SNX24: variants seen among roughly 807,000 people sequenced by gnomAD.
The protein encoded by SNX24 is sorting nexin 24, also known as sorting nexin-24.
A neutral mutation model predicts 28.7 loss-of-function variants in SNX24; 22 were observed. The observed-to-expected ratio is 0.77, with a 90% CI of 0.55 to 1.10. SNX24 has a LOEUF of 1.10. Ranked by LOEUF, SNX24 falls within the 50% of genes least tolerant of loss-of-function variation. SNX24 has a pLI of 0.00. For synonymous variants in SNX24, 69 were observed against 71.5 expected, an observed-to-expected ratio of 0.96 and a Z score of 0.18; for missense variants, 221 against 201.1, an observed-to-expected ratio of 1.10 and a Z score of -0.60.
intron 1 of SNX24, among the ~76,000 whole-genome samples, chr5:122,932,521 A>G (rs1359510603): frequency 1.3e-5 from 2 of 152,178 alleles, no homozygotes; most frequent in African/African-American, 4.8e-5. Flanking sequence ...TTTATGTGAG[A>G]TATTTGGAAT....
intron 3 of SNX24, among the ~76,000 whole-genome samples, chr5:122,988,174 A>C (rs369526778): frequency 6.6e-6 from 1 of 152,046 alleles, no homozygotes; most frequent in East Asian, 1.9e-4. Context: ...CTGACAAGCT[A>C]TCTAGGTTGT....
At chr5:122,886,052 T>C (rs1352789088) in intron 1 of SNX24, among the ~76,000 whole-genome samples, 1 of 152,154 alleles carries the variant, frequency 6.6e-6, no homozygotes, top group African/African-American at 2.4e-5. Context: ...TGAGGGCCCC[T>C]GTGCTAGAGG....
intron 4 of SNX24, among the ~76,000 whole-genome samples, chr5:123,000,272 A>G (rs1401065508): frequency 6.6e-6 from 1 of 152,276 alleles, no homozygotes; most frequent in East Asian, 1.9e-4. Context: ...GTTACATAGA[A>G]TGATGTTACT....
chr5:122,863,925 A>G (rs917512747), intron 1 of SNX24, among the ~76,000 whole-genome samples: 4 of 151,096 alleles, frequency 2.6e-5, no homozygotes, highest in South Asian at 2.1e-4. Context: ...TTCCCAGCCC[A>G]TGTTGGCTTT....
chr5:122,864,995 G>A (rs1008350813), intron 1 of SNX24, among the ~76,000 whole-genome samples: 1 of 152,246 alleles, frequency 6.6e-6, no homozygotes, highest in Non-Finnish European at 1.5e-5. Flanking sequence ...GGACAGCTTG[G>A]AGGTTGGAAG....
At chr5:123,023,980 G>A (rs572936008) in intron 5 of SNX24, 1 of 1,613,604 alleles carries the variant, frequency 6.2e-7, no homozygotes, top group East Asian at 2.2e-5. Context: ...CAGTTGCTTG[G>A]AGCTCTATGG....
At chr5:122,935,599 G>A (rs899893871) in intron 1 of SNX24, among the ~76,000 whole-genome samples, 9 of 152,078 alleles carry the variant, frequency 5.9e-5, no homozygotes, top group Non-Finnish European at 1.2e-4. Flanking sequence ...ATTCAAAGAA[G>A]CACAAAAATG....
At chr5:122,973,864 T>C (rs577194912) in intron 3 of SNX24, among the ~76,000 whole-genome samples, 14 of 152,298 alleles carry the variant, frequency 9.2e-5, no homozygotes, top group African/African-American at 3.4e-4. Flanking sequence ...TTAGAGGCCT[T>C]TGCTGTAATT....
intron 1 of SNX24, among the ~76,000 whole-genome samples, chr5:122,925,172 CT>C (rs1334805028): frequency 9.1e-6 from 1 of 109,744 alleles, no homozygotes; most frequent in Non-Finnish European, 1.9e-5. Flanking sequence ...TCCCATCCCC[CT>C]CCCATCCCCT....
At chr5:122,922,977 A>G (rs930557715) in intron 1 of SNX24, among the ~76,000 whole-genome samples, 1 of 152,148 alleles carries the variant, frequency 6.6e-6, no homozygotes, top group Non-Finnish European at 1.5e-5. Context: ...CTATTTTTAA[A>G]CCATGCATAT....
rs1762505716 is a variant in SNX24 at position 123,008,997 on chromosome 5, G to A, written c.*1248G>A. The A allele has an allele frequency of 2.0e-6, 2 of 985,654 alleles. No homozygotes were observed. Among genetic ancestry groups the A allele is most frequent in the South Asian group, 9.4e-5 (2 of 21,282 alleles). 61.1% of individuals were successfully genotyped at this position (985,654 alleles called of 1,614,324 possible). A position where few individuals can be genotyped will look rare whatever the true frequency, so the allele number is the denominator to read the frequency against. On this transcript the variant is annotated 3_prime_UTR_variant, in exon 7 of 7. Transcript: ENST00000261369. ...AATCAAAACTAATAACTACATCATGGTTTTTGATTAGGATCTAAATATTCA... is the reference window on the plus strand; with the variant it reads ...AATCAAAACTAATAACTACATCATGATTTTTGATTAGGATCTAAATATTCA...
At chr5:122,923,484 G>C (rs1270067196) in intron 1 of SNX24, among the ~76,000 whole-genome samples, 1 of 152,122 alleles carries the variant, frequency 6.6e-6, no homozygotes, top group Admixed American at 6.6e-5. Context: ...TCTGACATCT[G>C]TTCATAGAAC....
intron 3 of SNX24, among the ~76,000 whole-genome samples, chr5:122,984,457 C>A (rs1032260800): frequency 6.6e-6 from 1 of 152,152 alleles, no homozygotes; most frequent in South Asian, 2.1e-4. Context: ...ATTCCCTGAA[C>A]GTCTTGTACT....
At chr5:122,923,139 T>A (rs1192529232) in intron 1 of SNX24, among the ~76,000 whole-genome samples, 1 of 152,034 alleles carries the variant, frequency 6.6e-6, no homozygotes, top group African/African-American at 2.4e-5. Flanking sequence ...TAGACCAGCC[T>A]GGGCAACAAA....
chr5:122,954,450 G>T (rs1221405384), intron 3 of SNX24, among the ~76,000 whole-genome samples: 1 of 151,776 alleles, frequency 6.6e-6, no homozygotes, highest in African/African-American at 2.4e-5. Flanking sequence ...TTCAGCCATC[G>T]GTGCTATCAC....
intron 1 of SNX24, among the ~76,000 whole-genome samples, chr5:122,865,874 C>G (rs1173106763): frequency 6.6e-6 from 1 of 152,176 alleles, no homozygotes; most frequent in Non-Finnish European, 1.5e-5. Context: ...ACACTAACTC[C>G]TTCCCTAGAA....
chr5:122,943,362 A>C (rs1028769526), intron 2 of SNX24, among the ~76,000 whole-genome samples: 2 of 152,032 alleles, frequency 1.3e-5, no homozygotes, highest in Non-Finnish European at 2.9e-5. Context: ...AGGAGCTGCT[A>C]CTTCCCCACT....
At chr5:122,919,467 C>T (rs1758321966) in intron 1 of SNX24, among the ~76,000 whole-genome samples, 2 of 151,970 alleles carry the variant, frequency 1.3e-5, no homozygotes, top group African/African-American at 4.8e-5. Flanking sequence ...CATTTAGGGT[C>T]ATATCTTGCA....
intron 1 of SNX24, among the ~76,000 whole-genome samples, chr5:122,847,364 G>C (rs1215546540): frequency 6.6e-6 from 1 of 152,046 alleles, no homozygotes; most frequent in African/African-American, 2.4e-5. Context: ...AAACTGATGT[G>C]GAAGGAGCTC....
Sources: gnomAD v4.1 joint callset for allele counts (sites outside exome capture counted in the v4.1 genomes callset) on GRCh38, gnomAD v4.1.1 for gene constraint, MANE v1.5 for transcripts, NCBI Gene and HGNC (gene_info 2026-07-23, HGNC 2026-07-21) for gene names.